Variants in MAP4K4 observed in about 807,000 individuals in gnomAD.
MAP4K4 encodes HPK/GCK-like kinase HGK.
Under a neutral mutation model 189.6 loss-of-function variants are expected in MAP4K4, and 38 were observed. The observed-to-expected ratio is 0.20, with a 90% CI of 0.15 to 0.26. The LOEUF is 0.26. Among genes scored for constraint, MAP4K4 ranks in the 10% least tolerant of loss-of-function variants. MAP4K4 has a pLI of 1.00. For synonymous variants in MAP4K4, 610 were observed against 624.3 expected (o/e 0.98, Z 0.34); for missense variants, 1,054 against 1,726.9 (o/e 0.61, Z 6.91).
intron 2 of MAP4K4, among the ~76,000 whole-genome samples, chr2:101,768,635 C>T (rs1458853793): frequency 6.6e-6 from 1 of 151,902 alleles, no homozygotes; most frequent in Non-Finnish European, 1.5e-5. Flanking sequence ...GTGTTTTTTC[C>T]CCTTAGTGGA....
intron 3 of MAP4K4, among the ~76,000 whole-genome samples, chr2:101,798,209 C>T (rs532251521): frequency 5.9e-5 from 9 of 151,652 alleles, no homozygotes; most frequent in Non-Finnish European, 8.8e-5. Context: ...CCACAGCACC[C>T]GCCCTTCTAA....
At position 101,764,726 on chromosome 2, in the gene MAP4K4, A is replaced by G. The variant is rs551915514; in HGVS notation, c.124-25994A>G. ...AATATAAGCCCTGCACCTTCTTGCC[A>G]CTCATAACCTAGAGTAATATAACCA... On this transcript the variant is annotated intron_variant, in intron 2 of 32. Transcript: ENST00000324219. Among the ~76,000 whole-genome samples, 5 of 152,218 alleles carry G rather than the reference A, an allele frequency of 3.3e-5. No individual in the cohort carries two copies. The South Asian group carries it at 1.0e-3, about 32-fold the overall frequency.
chr2:101,867,687 T>C, intron 20 of MAP4K4: 1 of 385,230 alleles, frequency 2.6e-6, no homozygotes, highest in Non-Finnish European at 4.6e-6. Flanking sequence ...GGCATTAACC[T>C]TTACTTATTC....
intron 3 of MAP4K4, among the ~76,000 whole-genome samples, chr2:101,819,931 A>G (rs1576208967): frequency 6.6e-6 from 1 of 152,336 alleles, no homozygotes; most frequent in East Asian, 1.9e-4. Flanking sequence ...ACATGGTGCC[A>G]TGGTGATCTG....
At chr2:101,763,351 CAGTTA>C (rs555490024) in intron 2 of MAP4K4, among the ~76,000 whole-genome samples, 14 of 152,290 alleles carry the variant, frequency 9.2e-5, no homozygotes, top group African/African-American at 3.4e-4. Flanking sequence ...AAAGAAAACA[CAGTTA>C]AGTTATTAAT....
At chr2:101,806,068 C>T (rs1288487875) in intron 3 of MAP4K4, among the ~76,000 whole-genome samples, 1 of 152,184 alleles carries the variant, frequency 6.6e-6, no homozygotes, top group African/African-American at 2.4e-5. Context: ...CCACCATACC[C>T]TGCTCCTGTC....
At chr2:101,698,270 C>A (rs1194452467) in intron 1 of MAP4K4, 133 bp downstream of exon 1, 1 of 432,980 alleles carries the variant, frequency 2.3e-6, no homozygotes, top group Non-Finnish European at 3.5e-6. Context: ...CCTTTGTCTT[C>A]CTGTGCGGGC....
intron 9 of MAP4K4, 60 bp from the exon 10 acceptor site, chr2:101,839,759 G>T: frequency 7.7e-7 from 1 of 1,302,296 alleles, no homozygotes; most frequent in Non-Finnish European, 1.0e-6. Flanking sequence ...GTAAGTTACT[G>T]ATATTTTCGA....
chr2:101,857,971 A>C (rs1051591632), intron 13 of MAP4K4, among the ~76,000 whole-genome samples: 1 of 152,182 alleles, frequency 6.6e-6, no homozygotes, highest in East Asian at 1.9e-4. Context: ...TTCTTAGTCT[A>C]TTCCTCTTCT....
intron 16 of MAP4K4, 30 bp downstream of exon 16, chr2:101,861,016 G>A: frequency 6.4e-7 from 1 of 1,565,432 alleles, no homozygotes; most frequent in Non-Finnish European, 8.6e-7. Context: ...CTGTGGTTGA[G>A]GAGACTCATG....
rs116793251 is a variant in MAP4K4, at chr2:101,778,132, A to G, written c.124-12588A>G. Among the ~76,000 whole-genome samples the G allele has an allele frequency of 3.5e-3, 535 of 152,250 alleles. 2 individuals are homozygous for G. Among genetic ancestry groups the G allele is most frequent in the African/African-American group, 0.012 (518 of 41,542 alleles). On this transcript the variant is annotated intron_variant, in intron 2 of 32. Transcript: ENST00000324219. ...AAGTCAGACAGATGTCCTCTCATCA[A>G]AGGTTGATGAAGGGGACCTGTGGGT...
chr2:101,794,995 A>AT (rs1055439527), intron 3 of MAP4K4, among the ~76,000 whole-genome samples: 35 of 152,206 alleles, frequency 2.3e-4, no homozygotes, highest in African/African-American at 8.2e-4. Context: ...CAGATTAAAT[A>AT]TTTTTTGGCA....
intron 2 of MAP4K4, among the ~76,000 whole-genome samples, chr2:101,723,381 A>C (rs937701870): frequency 6.6e-6 from 1 of 152,214 alleles, no homozygotes; most frequent in Non-Finnish European, 1.5e-5. Flanking sequence ...GTTGCTGAAG[A>C]TGTTTAGATG....
intron 10 of MAP4K4, 139 bp from the exon 11 acceptor site, chr2:101,842,470 C>T (rs2096951085): frequency 1.7e-6 from 1 of 579,968 alleles, no homozygotes; most frequent in Non-Finnish European, 3.1e-6. Context: ...GCCCCTCCTC[C>T]CCAAATCCTC....
intron 2 of MAP4K4, among the ~76,000 whole-genome samples, chr2:101,725,420 A>G (rs1025383693): frequency 2.0e-5 from 3 of 151,912 alleles, no homozygotes; most frequent in African/African-American, 7.2e-5. Flanking sequence ...AAAAAAACCA[A>G]AAAACAAAAC....
chr2:101,704,951 A>G (rs2041508073), intron 2 of MAP4K4, among the ~76,000 whole-genome samples: 1 of 152,144 alleles, frequency 6.6e-6, no homozygotes, highest in Admixed American at 6.5e-5. Flanking sequence ...TTCTTTTGTT[A>G]TGGAGCAGGT....
At chr2:101,792,801 A>G (rs932110386) in intron 3 of MAP4K4, among the ~76,000 whole-genome samples, 2 of 151,910 alleles carry the variant, frequency 1.3e-5, no homozygotes, top group Non-Finnish European at 2.9e-5. Context: ...ACCCCTAGCT[A>G]ATTTTTGTAT....
chr2:101,708,523 C>T (rs1018590188), intron 2 of MAP4K4, among the ~76,000 whole-genome samples: 2 of 151,980 alleles, frequency 1.3e-5, no homozygotes, highest in Non-Finnish European at 1.5e-5. Flanking sequence ...TGCCATGGTA[C>T]GTATTAATTA....
At chr2:101,759,312 A>C (rs1307972781) in intron 2 of MAP4K4, among the ~76,000 whole-genome samples, 2 of 151,814 alleles carry the variant, frequency 1.3e-5, no homozygotes, top group Non-Finnish European at 2.9e-5. Flanking sequence ...TCTTTTAAGG[A>C]GTCTTTCATG....
Sources: gnomAD v4.1 joint callset for allele counts (sites outside exome capture counted in the v4.1 genomes callset) on GRCh38, gnomAD v4.1.1 for gene constraint, MANE v1.5 for transcripts, NCBI Gene and HGNC (gene_info 2026-07-23, HGNC 2026-07-21) for gene names.